The following SLIT2 variants were observed in gnomAD, a reference collection of about 807,000 sequenced individuals.
SLIT2 encodes the protein slit homolog 2 protein.
Under a neutral mutation model 185.7 loss-of-function variants are expected in SLIT2, and 41 were observed. That is an observed-to-expected ratio of 0.22 (90% confidence interval 0.17 to 0.29). The LOEUF (loss-of-function observed/expected upper bound fraction) is 0.29. SLIT2 is among the 10% of genes least tolerant of loss of function. The probability of loss-of-function intolerance (pLI) is 1.00; values close to 1 mark genes in which losing one functional copy is unlikely to be tolerated. For synonymous variants in SLIT2, 693 were observed against 680.2 expected, an observed-to-expected ratio of 1.02 and a Z score of -0.29; for missense variants, 1,571 against 1,909.0, an observed-to-expected ratio of 0.82 and a Z score of 3.30.
chr4:20,497,851 G>T (rs1718367424), intron 9 of SLIT2, among the ~76,000 whole-genome samples: 2 of 151,974 alleles, frequency 1.3e-5, no homozygotes, highest in South Asian at 4.1e-4. Context: ...GAGCTTGCAG[G>T]CCTCCATTCT....
intron 33 of SLIT2, among the ~76,000 whole-genome samples, chr4:20,600,919 A>C (rs1478637797): frequency 6.6e-6 from 1 of 151,196 alleles, no homozygotes; most frequent in Non-Finnish European, 1.5e-5. Flanking sequence ...AACATATTAA[A>C]TATAGAATAT....
rs575683563 is a variant in SLIT2 at position 20,453,656 on chromosome 4, G to A, written c.396-14096G>A. 9.2e-5 allele frequency among the ~76,000 whole-genome samples: 14 copies of A among 152,238 alleles called. No individual in the cohort carries two copies. The South Asian group carries it at 2.9e-3, about 32-fold the overall frequency. ...CATAACACTAATAAATGACACAACT[G>A]GGATGAAATTCTTATATAATTAAAG... On this transcript the variant is annotated intron_variant, in intron 4 of 36. Coordinates refer to ENST00000504154, the MANE Select transcript of SLIT2 (RefSeq NM_004787.4).
chr4:20,457,076 G>C (rs532235969), intron 4 of SLIT2, among the ~76,000 whole-genome samples: 1 of 152,078 alleles, frequency 6.6e-6, no homozygotes, highest in African/African-American at 2.4e-5. Context: ...CAAGTACCTG[G>C]TAAATAGGTA....
At chr4:20,546,699 A>G (rs1407494110) in intron 22 of SLIT2, among the ~76,000 whole-genome samples, 3 of 152,074 alleles carry the variant, frequency 2.0e-5, no homozygotes. Context: ...TTTTTTATTA[A>G]TGTAAACAAC....
At chr4:20,596,309 A>G (rs1046487592) in intron 31 of SLIT2, 106 bp from the exon 32 acceptor site, 73 of 1,072,040 alleles carry the variant, frequency 6.8e-5, no homozygotes, top group Non-Finnish European at 9.3e-5. Flanking sequence ...TGGAAAAACA[A>G]GGAAGTGCAC....
At chr4:20,283,512 G>A (rs187011688) in intron 4 of SLIT2, among the ~76,000 whole-genome samples, 1 of 152,150 alleles carries the variant, frequency 6.6e-6, no homozygotes, top group African/African-American at 2.4e-5. Flanking sequence ...AAAAACAAAT[G>A]GAAGAAATGA....
chr4:20,340,893 G>T (rs1237891782), intron 4 of SLIT2, among the ~76,000 whole-genome samples: 1 of 152,216 alleles, frequency 6.6e-6, no homozygotes, highest in Non-Finnish European at 1.5e-5. Flanking sequence ...GAGCCACCGT[G>T]CCCGGCCAAT....
intron 29 of SLIT2, among the ~76,000 whole-genome samples, chr4:20,570,195 G>A (rs1357065038): frequency 6.6e-6 from 1 of 151,928 alleles, no homozygotes; most frequent in Admixed American, 6.6e-5. Context: ...AGCAGTAATA[G>A]CATATTAAGT....
intron 4 of SLIT2, among the ~76,000 whole-genome samples, chr4:20,293,526 T>C (rs1469240039): frequency 3.3e-5 from 5 of 152,220 alleles, no homozygotes; most frequent in Non-Finnish European, 7.3e-5. Context: ...TTTGAGGTAC[T>C]AGTGATTATC....
rs1715523526 is a variant in SLIT2, at chr4:20,472,526, A to ATATATC, written c.467+4708_467+4709insCTATAT. ...TCTATATATAGATAGATATATATCT[A>ATATATC]TATATAGATATATCTATATCTATAT... On this transcript the variant is annotated intron_variant, in intron 5 of 36. Transcript: ENST00000504154. Among the ~76,000 whole-genome samples the ATATATC allele has an allele frequency of 2.7e-4, 7 of 26,074 alleles. 1 individual carries two copies. Among genetic ancestry groups the ATATATC allele is most frequent in the African/African-American group, 7.9e-4 (3 of 3,778 alleles). 17.1% of individuals were successfully genotyped at this position (26,074 alleles called of 152,430 possible). A position where few individuals can be genotyped will look rare whatever the true frequency, so the allele number is the denominator to read the frequency against.
chr4:20,566,664 G>A (rs184278777), intron 26 of SLIT2, among the ~76,000 whole-genome samples: 4 of 151,900 alleles, frequency 2.6e-5, no homozygotes, highest in East Asian at 3.9e-4. Context: ...CAAATAAACC[G>A]AATCAAAAGG....
chr4:20,319,811 C>CAA lies in SLIT2; in HGVS notation c.395+50939_395+50940dup, dbSNP rs796312560. Among the ~76,000 whole-genome samples, 3 of 48,010 alleles carry CAA rather than the reference C, an allele frequency of 6.2e-5. No homozygotes were observed. The South Asian group carries it at 2.0e-3, about 33-fold the overall frequency. The allele number at this position is 48,010 out of a possible 152,430, so 31.5% of individuals were successfully genotyped here. ...TTTGGGCCAGCACTAAAAAACAAAA[C>CAA]AAAAAAAAAACAAAAACCATAACAT... On this transcript the variant is annotated intron_variant, in intron 4 of 36. Transcript: ENST00000504154.
chr4:20,432,809 A>C (rs1328824424), intron 4 of SLIT2, among the ~76,000 whole-genome samples: 1 of 152,236 alleles, frequency 6.6e-6, no homozygotes, highest in African/African-American at 2.4e-5. Flanking sequence ...GCAAAAATAA[A>C]TCTTGAAAAC....
At chr4:20,592,377 C>T (rs1727582536) in intron 30 of SLIT2, among the ~76,000 whole-genome samples, 1 of 152,118 alleles carries the variant, frequency 6.6e-6, no homozygotes, top group South Asian at 2.1e-4. Flanking sequence ...ATATTCTTTG[C>T]TTCTTCCTCT....
intron 4 of SLIT2, among the ~76,000 whole-genome samples, chr4:20,291,492 A>ATTTTTT (rs1157453738): frequency 2.7e-4 from 5 of 18,260 alleles, no homozygotes; most frequent in Non-Finnish European, 3.7e-4. Context: ...ATATATATAT[A>ATTTTTT]TTTTTTTTTT....
At chr4:20,391,523 T>A (rs1246866109) in intron 4 of SLIT2, among the ~76,000 whole-genome samples, 1 of 152,170 alleles carries the variant, frequency 6.6e-6, no homozygotes, top group Non-Finnish European at 1.5e-5. Context: ...CTGATCCATT[T>A]AGACTTAAGC....
intron 5 of SLIT2, among the ~76,000 whole-genome samples, chr4:20,472,502 CTATATATAGATAGATATATATCTATATA>C (rs1577725784): frequency 9.7e-5 from 1 of 10,278 alleles, no homozygotes; most frequent in Non-Finnish European, 1.4e-4. Context: ...AGATATATAT[CTATATATAGATAGATATATATCTATATA>C]TAGATATATC....
At chr4:20,338,435 T>C (rs903303263) in intron 4 of SLIT2, among the ~76,000 whole-genome samples, 10 of 152,202 alleles carry the variant, frequency 6.6e-5, no homozygotes, top group African/African-American at 2.2e-4. Context: ...ATGTTAGCTT[T>C]GAAGCAGGGT....
intron 4 of SLIT2, among the ~76,000 whole-genome samples, chr4:20,339,036 T>A (rs1234502221): frequency 7.3e-6 from 1 of 137,104 alleles, no homozygotes; most frequent in Admixed American, 8.8e-5. Context: ...GAGCTTATGG[T>A]GAGGTATGAT....
Sources: gnomAD v4.1 joint callset for allele counts (sites outside exome capture counted in the v4.1 genomes callset) on GRCh38, gnomAD v4.1.1 for gene constraint, MANE v1.5 for transcripts, NCBI Gene and HGNC (gene_info 2026-07-23, HGNC 2026-07-21) for gene names.